RELCH: variants seen among roughly 807,000 people sequenced by gnomAD.
RELCH encodes the protein RAB11-binding protein RELCH.
RELCH carries 41 observed loss-of-function variants against 150.3 expected under a neutral mutation model. The observed-to-expected ratio is 0.27, with a 90% CI of 0.21 to 0.35. The LOEUF (loss-of-function observed/expected upper bound fraction) is 0.35. RELCH is among the 10% of genes least tolerant of loss of function. The pLI, the probability that RELCH is intolerant of heterozygous loss-of-function variation, is 1.00. For synonymous variants in RELCH, 478 were observed against 531.8 expected, an observed-to-expected ratio of 0.90 and a Z score of 1.39; for missense variants, 1,092 against 1,467.8, an observed-to-expected ratio of 0.74 and a Z score of 4.18.
chr18:62,208,047 ATCT>A (rs973877000), intron 1 of RELCH, among the ~76,000 whole-genome samples: 1 of 152,184 alleles, frequency 6.6e-6, no homozygotes, highest in African/African-American at 2.4e-5. Context: ...GTTTCTCCAC[ATCT>A]TCTGCAACTT....
intron 10 of RELCH, among the ~76,000 whole-genome samples, chr18:62,240,666 C>G (rs1024191242): frequency 6.6e-6 from 1 of 151,918 alleles, no homozygotes; most frequent in Middle Eastern, 3.4e-3. Context: ...TTCTAAAAGT[C>G]CTAGAAATTC....
At chr18:62,286,472 C>T (rs1006446609) in intron 25 of RELCH, among the ~76,000 whole-genome samples, 8 of 151,936 alleles carry the variant, frequency 5.3e-5, no homozygotes, top group African/African-American at 1.9e-4. Context: ...AGGAGTTTTT[C>T]CAGTAGAAGA....
intron 24 of RELCH, among the ~76,000 whole-genome samples, chr18:62,281,289 CTG>C (rs2044503829): frequency 6.6e-6 from 1 of 152,206 alleles, no homozygotes; most frequent in Non-Finnish European, 1.5e-5. Context: ...GATTTGAGGA[CTG>C]TTTTCCCAGA....
At chr18:62,292,689 ACTGCTTT>A (rs968056952) in intron 27 of RELCH, among the ~76,000 whole-genome samples, 36 of 152,180 alleles carry the variant, frequency 2.4e-4, no homozygotes, top group African/African-American at 8.7e-4. Context: ...CTAATGCCAT[ACTGCTTT>A]CTCCCCAAGT....
intron 11 of RELCH, 139 bp from the exon 12 acceptor site, chr18:62,252,521 AAAAT>A (rs147304732): frequency 0.088 from 57,917 of 660,002 alleles, 2,975 homozygotes; most frequent in Middle Eastern, 0.18. Context: ...TATCTCAAAA[AAAAT>A]AAATAAATAA....
chr18:62,221,010 G>A (rs1438162908), intron 2 of RELCH, 27 bp from the exon 3 acceptor site: 11 of 1,580,756 alleles, frequency 7.0e-6, no homozygotes, highest in Non-Finnish European at 9.5e-6. Context: ...GGATGCCTGT[G>A]TGTGTTTATT....
At chr18:62,196,539 C>T (rs1203782215) in intron 1 of RELCH, among the ~76,000 whole-genome samples, 1 of 152,178 alleles carries the variant, frequency 6.6e-6, no homozygotes. Flanking sequence ...CCCATCACAA[C>T]ATTTCTAAAA....
intron 1 of RELCH, among the ~76,000 whole-genome samples, chr18:62,189,259 G>GGT (rs1555707680): frequency 1.1e-3 from 134 of 118,116 alleles, no homozygotes; most frequent in Non-Finnish European, 1.7e-3. Flanking sequence ...GTCTTTTTTT[G>GGT]TTTTTTTTTT....
At chr18:62,257,393 C>T (rs2043041499) in intron 13 of RELCH, among the ~76,000 whole-genome samples, 1 of 151,768 alleles carries the variant, frequency 6.6e-6, no homozygotes, top group South Asian at 2.1e-4. Flanking sequence ...CTTTTTTTCC[C>T]ACTTCTTCAA....
At chr18:62,192,274 T>C (rs2038699372) in intron 1 of RELCH, among the ~76,000 whole-genome samples, 1 of 152,250 alleles carries the variant, frequency 6.6e-6, no homozygotes, top group Non-Finnish European at 1.5e-5. Flanking sequence ...AAATTCCTTG[T>C]AGACTCTGGA....
intron 13 of RELCH, among the ~76,000 whole-genome samples, chr18:62,255,718 G>A (rs990397852): frequency 4.6e-5 from 7 of 152,014 alleles, no homozygotes; most frequent in Non-Finnish European, 8.8e-5. Context: ...TTCTCATAGT[G>A]TGGTCTGAGG....
intron 26 of RELCH, among the ~76,000 whole-genome samples, chr18:62,289,979 C>G (rs1056306842): frequency 1.3e-5 from 2 of 152,148 alleles, no homozygotes; most frequent in Admixed American, 6.6e-5. Context: ...CCACTTATCC[C>G]CATATCTAGA....
rs1385021463 is a variant in RELCH, at chr18:62,291,535, G to T, written c.3371-8G>T. On this transcript the variant is annotated splice_region_variant and splice_polypyrimidine_tract_variant and intron_variant, in intron 26 of 28. Transcript: ENST00000644646. ...TTTGTTTAATTCCCTTAACTACCTT[G>T]TCCCAAGTCATTTCAGAGGATTTAA... 1 of 1,589,844 alleles carries T rather than the reference G, an allele frequency of 6.3e-7. No homozygotes were observed. Among genetic ancestry groups the T allele is most frequent in the Middle Eastern group, 1.7e-4 (1 of 5,996 alleles).
At chr18:62,290,007 C>G (rs572135363) in intron 26 of RELCH, among the ~76,000 whole-genome samples, 3 of 152,120 alleles carry the variant, frequency 2.0e-5, no homozygotes, top group Admixed American at 6.5e-5. Flanking sequence ...ACTACATAAT[C>G]ATTAGGTTGT....
intron 13 of RELCH, 104 bp from the exon 14 acceptor site, chr18:62,257,840 GTTAA>G: frequency 2.4e-6 from 2 of 839,418 alleles, no homozygotes; most frequent in Non-Finnish European, 1.8e-6. Context: ...TAATAAAAAT[GTTAA>G]TACCTGTTTA....
At chr18:62,295,874 T>C (rs1370175536) in intron 27 of RELCH, among the ~76,000 whole-genome samples, 1 of 152,162 alleles carries the variant, frequency 6.6e-6, no homozygotes, top group East Asian at 1.9e-4. Context: ...TGCTCAGCTA[T>C]GAATTTAAGG....
rs1226830025 is a variant in RELCH, at chr18:62,189,256, TTTGTTTTTTTTTTTTG to T, written c.526+1242_526+1257del. Among the ~76,000 whole-genome samples the T allele has an allele frequency of 7.2e-5, 10 of 137,956 alleles. No homozygotes were observed. In the South Asian group the frequency reaches 7.8e-4, roughly 11 times the overall value. The allele number at this position is 137,956 out of a possible 152,430, so 90.5% of individuals were successfully genotyped here. A position where few individuals can be genotyped will look rare whatever the true frequency, so the allele number is the denominator to read the frequency against. On this transcript the variant is annotated intron_variant, in intron 1 of 28. Transcript: ENST00000644646. ...TGTTATGTGTGGTGGTGGGTCTTTTTTTGTTTTTTTTTTTTGTTGTTTTTTTTTTTTGGTTTTTGTG... is the reference window on the plus strand; with the variant it reads ...TGTTATGTGTGGTGGTGGGTCTTTTTTTGTTTTTTTTTTTTGGTTTTTGTG...
chr18:62,210,223 G>A lies in RELCH; in HGVS notation c.527-930G>A, dbSNP rs1177485394. 3.3e-5 allele frequency among the ~76,000 whole-genome samples: 5 copies of A among 152,128 alleles called. No homozygotes were observed. The South Asian group carries it at 6.2e-4, about 19-fold the overall frequency. ...TGGTTTTTCGCTATTTGATTAATAG[G>A]TGCCTAAGTTTCTCTTCTCTTTACT... On this transcript the variant is annotated intron_variant, in intron 1 of 28. Coordinates refer to ENST00000644646, the MANE Select transcript of RELCH (RefSeq NM_001346231.2).
intron 5 of RELCH, among the ~76,000 whole-genome samples, chr18:62,226,306 C>T (rs568817436): frequency 1.3e-5 from 2 of 152,164 alleles, no homozygotes; most frequent in South Asian, 2.1e-4. Flanking sequence ...AGTTGCTGTG[C>T]TTTTTTGTAC....
Sources: allele counts gnomAD v4.1 joint callset (sites outside exome capture counted in the v4.1 genomes callset), GRCh38; gene constraint gnomAD v4.1.1; transcripts MANE v1.5; gene names NCBI Gene and HGNC (gene_info 2026-07-23, HGNC 2026-07-21).